FRMPD4: variants seen among roughly 807,000 people sequenced by gnomAD.
FRMPD4 encodes the protein FERM and PDZ domain containing 4.
FRMPD4 carries 22 observed loss-of-function variants against 94.1 expected under a neutral mutation model. The ratio of observed to expected loss-of-function variants is 0.23; its 90% CI spans 0.17 to 0.33. FRMPD4 has a LOEUF of 0.33. Ranked by LOEUF, FRMPD4 falls within the 10% of genes least tolerant of loss-of-function variation. FRMPD4 has a pLI of 1.00. For missense variants in FRMPD4, 1,111 were observed against 1,339.9 expected (o/e 0.83, Z 2.67); for synonymous variants, 631 against 548.6 (o/e 1.15, Z -2.10).
intron 1 of FRMPD4, among the ~76,000 whole-genome samples, chrX:11,845,511 C>A (rs971346216): frequency 1.8e-5 from 2 of 109,126 alleles, no homozygotes; most frequent in African/African-American, 6.7e-5. Context: ...AAGAGGGAAT[C>A]CTCCCTAACT....
intron 1 of FRMPD4, among the ~76,000 whole-genome samples, chrX:11,827,064 A>G (rs1300523316): frequency 1.1e-5 from 1 of 92,992 alleles, no homozygotes; most frequent in Non-Finnish European, 2.1e-5. Flanking sequence ...GATGGAAATT[A>G]TATATATATA....
chrX:12,051,485 T>G (rs1278666182), intron 3 of FRMPD4, among the ~76,000 whole-genome samples: 1 of 111,917 alleles, frequency 8.9e-6, no homozygotes, highest in Non-Finnish European at 1.9e-5. Context: ...AAAAATATAA[T>G]AAATTAGAAT....
intron 1 of FRMPD4, among the ~76,000 whole-genome samples, chrX:12,341,003 G>A (rs1231308988): frequency 8.9e-6 from 1 of 111,901 alleles, no homozygotes; most frequent in East Asian, 2.8e-4. Context: ...TAAATTTCAG[G>A]AAAATTACAA....
chrX:12,143,695 TTTATCA>T (rs752363895), intron 1 of FRMPD4, among the ~76,000 whole-genome samples: 1 of 112,434 alleles, frequency 8.9e-6, no homozygotes, highest in East Asian at 2.8e-4. Context: ...TTTTCGCTTC[TTTATCA>T]TTATCAGCAC....
intron 12 of FRMPD4, 110 bp downstream of exon 12, chrX:12,707,025 C>A: frequency 1.8e-5 from 8 of 439,255 alleles, no homozygotes; most frequent in African/African-American, 2.6e-5. Flanking sequence ...GCCTTCATTT[C>A]TAACCAACTT....
intron 3 of FRMPD4, among the ~76,000 whole-genome samples, chrX:12,050,685 G>A (rs2054812051): frequency 9.1e-6 from 1 of 110,133 alleles, no homozygotes; most frequent in Non-Finnish European, 1.9e-5. Context: ...TATTCTAACA[G>A]CTGAACTGGA....
Position 12,314,011 on chromosome X carries a change from T to C in FRMPD4, c.41+174999T>C, listed in dbSNP as rs1271286280. On this transcript the variant is annotated intron_variant, in intron 1 of 16. Transcript: ENST00000675598. ...ATAAAAGTTGTCTATAAACATTGTA[T>C]CAGTAAGTGATGTTAAAACTGTTCT... Among the ~76,000 whole-genome samples the C allele has an allele frequency of 4.4e-5, 5 of 112,448 alleles. No individual in the cohort carries two copies. In the East Asian group the frequency reaches 1.1e-3, roughly 25 times the overall value.
At chrX:12,026,305 T>A (rs891263822) in intron 3 of FRMPD4, among the ~76,000 whole-genome samples, 24 of 111,980 alleles carry the variant, frequency 2.1e-4, no homozygotes, top group Admixed American at 6.6e-4. Flanking sequence ...ATTTAATACA[T>A]TTTTATGTAT....
At chrX:12,208,815 C>T (rs1362269181) in intron 1 of FRMPD4, among the ~76,000 whole-genome samples, 3 of 111,617 alleles carry the variant, frequency 2.7e-5, no homozygotes, top group Non-Finnish European at 3.8e-5. Flanking sequence ...ATTACATTTA[C>T]TGTCTATATC....
chrX:11,925,826 A>T (rs1436194417), intron 3 of FRMPD4, among the ~76,000 whole-genome samples: 4 of 111,531 alleles, frequency 3.6e-5, no homozygotes, highest in Non-Finnish European at 7.5e-5. Context: ...CTAACAACCT[A>T]ATATCACAAC....
In FRMPD4 at chrX:12,389,212, G is replaced by A. The variant is rs368397917; in HGVS notation, c.42-109468G>A. On this transcript the variant is annotated intron_variant, in intron 1 of 16. Coordinates refer to ENST00000675598, the MANE Select transcript of FRMPD4 (RefSeq NM_001368397.1). ...AGAGTGGCTGGGCGCGGTGGATCAC[G>A]CCTGTAATCCCAGCACTTTGGGAGG... is the stretch of plus-strand genomic sequence containing the variant. Among the ~76,000 whole-genome samples, 19 of 110,128 alleles carry A rather than the reference G, an allele frequency of 1.7e-4. No individual in the cohort carries two copies. In the East Asian group the frequency reaches 5.1e-3, roughly 30 times the overall value.
At chrX:12,495,085 A>G in intron 1 of FRMPD4, 1 of 537,911 alleles carries the variant, frequency 1.9e-6, no homozygotes, top group Non-Finnish European at 2.3e-6. Context: ...AAACTTTCTG[A>G]TGTTTCCTTC....
chrX:12,070,597 A>C, intron 3 of FRMPD4, among the ~76,000 whole-genome samples: 1 of 111,807 alleles, frequency 8.9e-6, no homozygotes, highest in East Asian at 2.8e-4. Flanking sequence ...GTTGCTCTAC[A>C]ACTGTGGACC....
chrX:11,906,455 C>T (rs2053968643), intron 3 of FRMPD4, among the ~76,000 whole-genome samples: 1 of 111,565 alleles, frequency 9.0e-6, no homozygotes, highest in Admixed American at 9.5e-5. Flanking sequence ...CCCAATTTCC[C>T]TCCATTTTCA....
chrX:12,597,602 T>C (rs1479750460), intron 2 of FRMPD4, among the ~76,000 whole-genome samples: 2 of 112,591 alleles, frequency 1.8e-5, no homozygotes, highest in Non-Finnish European at 3.8e-5. Flanking sequence ...ATGAATAATA[T>C]TCTGATTCAT....
At chrX:12,213,062 C>T (rs897842930) in intron 1 of FRMPD4, among the ~76,000 whole-genome samples, 1 of 111,478 alleles carries the variant, frequency 9.0e-6, no homozygotes, top group Non-Finnish European at 1.9e-5. Flanking sequence ...ACCCAGTACC[C>T]ATCTGGTCCT....
chrX:12,325,426 A>C (rs1024149775), intron 1 of FRMPD4, among the ~76,000 whole-genome samples: 7 of 112,672 alleles, frequency 6.2e-5, no homozygotes, highest in African/African-American at 2.3e-4. Flanking sequence ...TGTTGTATTC[A>C]TGGAAAGTAG....
At chrX:12,293,312 A>G (rs1225303816) in intron 1 of FRMPD4, among the ~76,000 whole-genome samples, 1 of 112,249 alleles carries the variant, frequency 8.9e-6, no homozygotes, top group Non-Finnish European at 1.9e-5. Flanking sequence ...GAGAAGGGGA[A>G]CAATTTGAAA....
intron 1 of FRMPD4, among the ~76,000 whole-genome samples, chrX:12,303,553 G>A (rs192588924): frequency 4.6e-4 from 51 of 111,407 alleles, no homozygotes; most frequent in Non-Finnish European, 2.1e-4. Context: ...TGAAAGTGTG[G>A]GTCTATATGT....
Sources: gnomAD v4.1 joint callset for allele counts (sites outside exome capture counted in the v4.1 genomes callset) on GRCh38, gnomAD v4.1.1 for gene constraint, MANE v1.5 for transcripts, NCBI Gene and HGNC (gene_info 2026-07-23, HGNC 2026-07-21) for gene names.